Variants in BRCA2 observed in about 807,000 individuals in gnomAD.
BRCA2 encodes the protein BRCA2 DNA repair associated, also known as breast cancer type 2 susceptibility protein.
BRCA2 carries 203 observed loss-of-function variants against 276.7 expected under a neutral mutation model. That is an observed-to-expected ratio of 0.73 (90% CI 0.65 to 0.82). The LOEUF (loss-of-function observed/expected upper bound fraction) is 0.82, where lower values mean the gene tolerates loss of function less well. Ranked by LOEUF, BRCA2 falls within the 40% of genes least tolerant of loss-of-function variation. BRCA2 has a pLI of 0.00. For missense variants in BRCA2, 3,920 were observed against 3,915.0 expected (o/e 1.00, Z -0.03); for synonymous variants, 1,289 against 1,338.4 (o/e 0.96, Z 0.81).
intron 16 of BRCA2, among the ~76,000 whole-genome samples, chr13:32,360,447 C>T (rs1235903895): frequency 6.6e-6 from 1 of 152,148 alleles, no homozygotes; most frequent in East Asian, 1.9e-4. Flanking sequence ...GCAGCCTCCA[C>T]CTCCCAGGTT....
chr13:32,337,146 G>A lies in BRCA2; in HGVS notation c.2791G>A (p.Gly931Arg), dbSNP rs1555282848. 1 of 1,613,794 alleles carries A rather than the reference G, an allele frequency of 6.2e-7. No homozygotes were observed. The change falls in exon 11 of 27, where the codon GGA becomes AGA. Residue 931 changes from glycine to arginine, a missense_variant. Gly to Arg is a moderately radical substitution (Grantham distance 125). Transcript: ENST00000380152. ...CAAGAACTCTACCATGGTTTTATATGGAGACACAGGTGATAAACAAGCAAC... is the reference window on the plus strand; with the variant it reads ...CAAGAACTCTACCATGGTTTTATATAGAGACACAGGTGATAAACAAGCAAC... Reference protein sequence around the residue: ...IFKNSTMVLYGDTGDKQATQV... With the variant: ...IFKNSTMVLYRDTGDKQATQV...
chr13:32,319,056 T>G lies in BRCA2; in HGVS notation c.68-21T>G, dbSNP rs1263784177. ...TGTCTGTCACTGGTTAAAACTAAGGTGGGATTTTTTTTTTAAATAGATTTA... is the reference window on the plus strand; with the variant it reads ...TGTCTGTCACTGGTTAAAACTAAGGGGGGATTTTTTTTTTAAATAGATTTA... On this transcript the variant is annotated intron_variant, in intron 2 of 26. Coordinates refer to ENST00000380152, the MANE Select transcript of BRCA2 (RefSeq NM_000059.4). 1 of 1,611,372 alleles carries G rather than the reference T, an allele frequency of 6.2e-7. No individual in the cohort carries two copies. Among genetic ancestry groups the G allele is most frequent in the East Asian group, 2.2e-5 (1 of 44,856 alleles).
intron 24 of BRCA2, among the ~76,000 whole-genome samples, chr13:32,382,548 G>T (rs761880946): frequency 1.3e-5 from 2 of 152,166 alleles, no homozygotes; most frequent in Non-Finnish European, 2.9e-5. Context: ...TGAGGACCAA[G>T]AATTGATCAT....
chr13:32,324,147 A>G (rs964069906), intron 3 of BRCA2, among the ~76,000 whole-genome samples: 2 of 152,226 alleles, frequency 1.3e-5, no homozygotes, highest in African/African-American at 4.8e-5. Flanking sequence ...GATTGCTCAC[A>G]GCCTAGTAGG....
Position 32,393,237 on chromosome 13 carries a change from TC to T in BRCA2, c.9257-1451del, listed in dbSNP as rs11571814. 0.16 allele frequency among the ~76,000 whole-genome samples: 23,739 copies of T among 152,224 alleles called. 2,325 individuals are homozygous for T. Among genetic ancestry groups the T allele is most frequent in the South Asian group, 0.23 (1,097 of 4,818 alleles). ...CTTTGAGACTGAATCCTATTTCACA[TC>T]AAACTAGCATTCATCAGTTGATTTT... On this transcript the variant is annotated intron_variant, in intron 24 of 26. Coordinates refer to ENST00000380152, the MANE Select transcript of BRCA2 (RefSeq NM_000059.4).
rs2137450152 is a variant in BRCA2, at chr13:32,326,228, T to C, written c.476-14T>C. 3.1e-6 allele frequency: 5 copies of C among 1,613,228 alleles called. No individual in the cohort carries two copies. The highest frequency in any genetic ancestry group is 4.2e-6 in the Non-Finnish European group (5 of 1,179,338). On this transcript the variant is annotated splice_polypyrimidine_tract_variant and intron_variant, in intron 5 of 26. Transcript: ENST00000380152. ...AAATAAAACTTAACAATTTTCCCCT[T>C]TTTTTACCCCCAGTGGTATGTGGGA...
At chr13:32,384,984 G>A in intron 24 of BRCA2, 1 of 379,936 alleles carries the variant, frequency 2.6e-6, no homozygotes, top group Non-Finnish European at 4.9e-6. Flanking sequence ...ATTACCACAT[G>A]GGCAGACTGG....
At chr13:32,354,805 C>G (rs2137554794) in intron 13 of BRCA2, 56 bp from the exon 14 acceptor site, 1 of 1,234,498 alleles carries the variant, frequency 8.1e-7, no homozygotes, top group Non-Finnish European at 1.2e-6. Flanking sequence ...AGGCATATTC[C>G]TAAATATTTA....
intron 18 of BRCA2, among the ~76,000 whole-genome samples, chr13:32,369,492 A>G (rs879480137): frequency 6.6e-6 from 1 of 152,158 alleles, no homozygotes; most frequent in Admixed American, 6.5e-5. Context: ...AACCTTGGGC[A>G]AGTTGTGTAG....
rs2138698350 is a variant in BRCA2 at position 32,316,498 on chromosome 13, A to T, written c.38A>T (p.Glu13Val). The T allele has an allele frequency of 6.2e-7, 1 of 1,614,134 alleles. No individual in the cohort carries two copies. Among genetic ancestry groups the T allele is most frequent in the Non-Finnish European group, 8.5e-7 (1 of 1,179,942 alleles). Residue 13 changes from glutamate (E) to valine (V), a missense_variant, in exon 2 of 27, where the codon GAA becomes GTA. This residue lies in a region of BRCA2 where 3,263 missense variants were observed against 3,156.9 expected (regional missense o/e 1.03). Transcript: ENST00000380152. ...TCCAAAGAGAGGCCAACATTTTTTG[A>T]AATTTTTAAGACACGCTGCAACAAA... ...IGSKERPTFF[E>V]IFKTRCNKAD...
intron 25 of BRCA2, 81 bp from the exon 26 acceptor site, chr13:32,396,817 T>TGTG: frequency 6.4e-7 from 1 of 1,564,868 alleles, no homozygotes; most frequent in Non-Finnish European, 8.8e-7. Context: ...TTTTCATTTC[T>TGTG]GCTTTTAAAG....
rs771101539 is a variant in BRCA2 at position 32,319,285 on chromosome 13, A to G, written c.276A>G (p.Gln92=). Residue 92 remains glutamine, a synonymous_variant, in exon 3 of 27, where the codon CAA becomes CAG. Coordinates refer to ENST00000380152, the MANE Select transcript of BRCA2 (RefSeq NM_000059.4). ...AAGGGCTGACTCTGCCGCTGTACCA[A>G]TCTCCTGTAAAAGAATTAGATAAAT... The part of the protein sequence containing the change: ...KEQGLTLPLY[Q]SPVKELDKFK... 1.9e-6 allele frequency: 3 copies of G among 1,613,824 alleles called. No homozygotes were observed. The highest frequency in any genetic ancestry group is 1.1e-5 in the South Asian group (1 of 91,082).
intron 16 of BRCA2, among the ~76,000 whole-genome samples, chr13:32,358,157 C>T (rs1373504026): frequency 1.3e-5 from 2 of 152,188 alleles, no homozygotes; most frequent in African/African-American, 4.8e-5. Context: ...TTTTCTTAGG[C>T]ATTTATAAAT....
chr13:32,318,734 G>A (rs190668861), intron 2 of BRCA2, among the ~76,000 whole-genome samples: 1 of 152,130 alleles, frequency 6.6e-6, no homozygotes, highest in East Asian at 1.9e-4. Context: ...CCCCGCACCT[G>A]GCCGAATTTT....
rs1057520414 is a variant in BRCA2, at chr13:32,340,652, A to G, written c.6297A>G (p.Arg2099=). 2 of 1,607,458 alleles carry G rather than the reference A, an allele frequency of 1.2e-6. No individual in the cohort carries two copies. The highest frequency in any genetic ancestry group is 1.7e-6 in the Non-Finnish European group (2 of 1,178,278). Residue 2099 remains arginine, a synonymous_variant, in exon 11 of 27, where the codon AGA becomes AGG. Transcript: ENST00000380152. ...GTCTTCACTATTCACCTACGTCTAG[A>G]CAAAATGTATCAAAAATACTTCCTC... ...EHSLHYSPTS[R]QNVSKILPRV...
chr13:32,332,482 A>G lies in BRCA2; in HGVS notation c.1004A>G (p.Glu335Gly), dbSNP rs1566222581. The G allele has an allele frequency of 6.2e-7, 1 of 1,600,198 alleles. No homozygotes were observed. Among genetic ancestry groups the G allele is most frequent in the Non-Finnish European group, 8.5e-7 (1 of 1,176,566 alleles). The change falls in exon 10 of 27, where the codon GAA becomes GGA. Residue 335 changes from glutamate (E) to glycine (G), a missense_variant. Around this residue, in one of 2 missense-constraint regions of BRCA2, gnomAD observed 3,263 missense variants for 3,156.9 expected, o/e 1.03. Coordinates refer to ENST00000380152, the MANE Select transcript of BRCA2 (RefSeq NM_000059.4). ...TSKTRKKIFH[E>G]ANADECEKSK... ...AAGACTAGGAAAAAAATTTTCCATG[A>G]AGCAAACGCTGATGAATGTGAAAAA...
At chr13:32,328,244 C>G (rs531627369) in intron 7 of BRCA2, among the ~76,000 whole-genome samples, 1 of 147,898 alleles carries the variant, frequency 6.8e-6, no homozygotes, top group African/African-American at 2.5e-5. Context: ...TTTTCTTTTT[C>G]GTTTTTTTTT....
chr13:32,375,243 C>A (rs536264714), intron 20 of BRCA2: 2 of 342,328 alleles, frequency 5.8e-6, no homozygotes, highest in African/African-American at 2.1e-5. Flanking sequence ...TATGAAGCTC[C>A]TTATCATTTA....
intron 7 of BRCA2, 136 bp downstream of exon 7, chr13:32,326,749 A>G: frequency 1.5e-6 from 1 of 673,116 alleles, no homozygotes; most frequent in Non-Finnish European, 2.5e-6. Flanking sequence ...GTAACTGACA[A>G]TAATTTTATT....
Sources: gnomAD v4.1 joint callset for allele counts (sites outside exome capture counted in the v4.1 genomes callset) on GRCh38, gnomAD v4.1.1 for gene constraint, gnomAD v4.1.1 regional missense constraint, MANE v1.5 for transcripts, NCBI Gene and HGNC (gene_info 2026-07-23, HGNC 2026-07-21) for gene names.